LYPD6B: variants seen among roughly 807,000 people sequenced by gnomAD.
The protein encoded by LYPD6B is LY6/PLAUR domain containing 6B.
In LYPD6B, 17 loss-of-function variants were observed where a neutral mutation model predicts 22.8. That is an observed-to-expected ratio of 0.75 (90% CI 0.51 to 1.12). The LOEUF is 1.12. Ranked by LOEUF, LYPD6B falls within the 50% of genes most tolerant of loss-of-function variation. The probability of loss-of-function intolerance (pLI) is 0.00; values close to 1 mark genes in which losing one functional copy is unlikely to be tolerated. For synonymous variants in LYPD6B, 106 were observed against 91.6 expected, an observed-to-expected ratio of 1.16 and a Z score of -0.90; for missense variants, 221 against 258.3, an observed-to-expected ratio of 0.86 and a Z score of 0.99.
intron 1 of LYPD6B, among the ~76,000 whole-genome samples, chr2:149,083,534 A>G (rs1338240765): frequency 6.6e-6 from 1 of 152,152 alleles, no homozygotes. Flanking sequence ...AGTCTAGCCT[A>G]GCTGTTTTAA....
chr2:149,206,435 C>T (rs916330444), intron 4 of LYPD6B, among the ~76,000 whole-genome samples: 3 of 152,098 alleles, frequency 2.0e-5, no homozygotes, highest in African/African-American at 4.8e-5. Flanking sequence ...ACATATACTA[C>T]ACATACACAC....
rs765071285 is a variant in LYPD6B at position 149,205,311 on chromosome 2, C to G, written c.136C>G (p.Leu46Val). The change falls in exon 4 of 7, where the codon CTC (leucine) becomes GTC (valine). Residue 46 changes from leucine to valine, a missense_variant. By Grantham distance (32) the Leu-to-Val change is conservative (BLOSUM62 1). Coordinates refer to ENST00000409642, the MANE Select transcript of LYPD6B (RefSeq NM_177964.5). ...CAGCATGCTGCTCCTCTGTCACGCT[C>G]TCGCTATAGCTGTTGTCCAGATCGT... ...KVSMLLLCHA[L>V]AIAVVQIVIF... 2.5e-6 allele frequency: 4 copies of G among 1,613,988 alleles called. No individual in the cohort carries two copies. The highest frequency in any genetic ancestry group is 3.4e-6 in the Non-Finnish European group (4 of 1,179,852).
intron 1 of LYPD6B, among the ~76,000 whole-genome samples, chr2:149,067,058 G>C (rs1462614063): frequency 6.6e-6 from 1 of 152,148 alleles, no homozygotes; most frequent in Admixed American, 6.6e-5. Flanking sequence ...GAGAATATGT[G>C]GTATTTGGTT....
chr2:149,184,520 A>G (rs963154562), intron 3 of LYPD6B, among the ~76,000 whole-genome samples: 2 of 152,230 alleles, frequency 1.3e-5, no homozygotes. Context: ...AAGGGAGAGC[A>G]ATATTTTGAT....
intron 5 of LYPD6B, among the ~76,000 whole-genome samples, chr2:149,212,307 G>A (rs1433436598): frequency 1.4e-5 from 2 of 142,912 alleles, no homozygotes; most frequent in Admixed American, 1.5e-4. Context: ...GTGTGAACCC[G>A]GGAGGCAGGG....
intron 1 of LYPD6B, among the ~76,000 whole-genome samples, chr2:149,127,352 T>C (rs1464864446): frequency 1.3e-5 from 2 of 152,298 alleles, no homozygotes; most frequent in South Asian, 2.1e-4. Flanking sequence ...CCAGAGAAGA[T>C]TGAAATTTCT....
intron 1 of LYPD6B, among the ~76,000 whole-genome samples, chr2:149,105,497 T>G (rs1416427525): frequency 6.6e-6 from 1 of 152,208 alleles, no homozygotes; most frequent in Non-Finnish European, 1.5e-5. Context: ...TCAGCAATGT[T>G]GTGTAGTGAA....
chr2:149,066,829 AT>A (rs1387177573), intron 1 of LYPD6B, among the ~76,000 whole-genome samples: 3 of 150,754 alleles, frequency 2.0e-5, no homozygotes, highest in African/African-American at 7.3e-5. Context: ...TTTATTTTAG[AT>A]TTAGGGGGTA....
At chr2:149,206,393 C>T (rs145391026) in intron 4 of LYPD6B, among the ~76,000 whole-genome samples, 256 of 152,150 alleles carry the variant, frequency 1.7e-3, no homozygotes, top group African/African-American at 6.0e-3. Flanking sequence ...TGCATATATA[C>T]ACATGTATAC....
intron 1 of LYPD6B, among the ~76,000 whole-genome samples, chr2:149,078,425 A>C (rs927323551): frequency 2.0e-4 from 30 of 152,188 alleles, no homozygotes; most frequent in Non-Finnish European, 3.4e-4. Flanking sequence ...TAATGAATAC[A>C]GTCTCTGAAG....
intron 2 of LYPD6B, among the ~76,000 whole-genome samples, chr2:149,150,250 A>G (rs530514329): frequency 2.6e-5 from 4 of 152,032 alleles, no homozygotes; most frequent in African/African-American, 4.8e-5. Context: ...TTGTATTGCT[A>G]TTTCCCTTTG....
chr2:149,208,797 T>G lies in LYPD6B; in HGVS notation c.328+385T>G, dbSNP rs545602697. Among the ~76,000 whole-genome samples, 3 of 152,352 alleles carry G rather than the reference T, an allele frequency of 2.0e-5. No homozygotes were observed. The South Asian group carries it at 6.2e-4, about 32-fold the overall frequency. On this transcript the variant is annotated intron_variant, in intron 5 of 6. Transcript: ENST00000409642. Reference sequence around the variant, plus strand: ...CAAACTTCCAAGTATCTTTTTAGTTTGTTTAGTTTACAGATATATCCCAGT... The same window carrying G: ...CAAACTTCCAAGTATCTTTTTAGTTGGTTTAGTTTACAGATATATCCCAGT...
At chr2:149,114,581 G>A (rs1350526477) in intron 1 of LYPD6B, among the ~76,000 whole-genome samples, 1 of 152,270 alleles carries the variant, frequency 6.6e-6, no homozygotes, top group Non-Finnish European at 1.5e-5. Flanking sequence ...AACATGAAGG[G>A]GGTTCACACA....
At chr2:149,052,107 A>AGTACAGTGGCACAGTGTTG (rs1277038063) in intron 1 of LYPD6B, among the ~76,000 whole-genome samples, 1 of 152,032 alleles carries the variant, frequency 6.6e-6, no homozygotes, top group Non-Finnish European at 1.5e-5. Flanking sequence ...ACTAGGCTGG[A>AGTACAGTGGCACAGTGTTG]GTACAGTGGC....
At chr2:149,115,873 T>C (rs1286551228) in intron 1 of LYPD6B, among the ~76,000 whole-genome samples, 1 of 152,244 alleles carries the variant, frequency 6.6e-6, no homozygotes, top group African/African-American at 2.4e-5. Context: ...TGTTAAATTG[T>C]AGGCAGTTCT....
chr2:149,083,382 A>G (rs1685225772), intron 1 of LYPD6B, among the ~76,000 whole-genome samples: 1 of 152,136 alleles, frequency 6.6e-6, no homozygotes, highest in Non-Finnish European at 1.5e-5. Context: ...TATCTAGCAC[A>G]TTTTCGAATT....
chr2:149,070,001 G>A (rs1684524146), intron 1 of LYPD6B, among the ~76,000 whole-genome samples: 2 of 151,472 alleles, frequency 1.3e-5, no homozygotes, highest in South Asian at 4.2e-4. Context: ...TAAATTCTTA[G>A]AAAAATAATG....
chr2:149,114,308 T>A (rs1206505470), intron 1 of LYPD6B, among the ~76,000 whole-genome samples: 1 of 152,248 alleles, frequency 6.6e-6, no homozygotes, highest in African/African-American at 2.4e-5. Context: ...CATTTTGACC[T>A]AGGAATCTAG....
chr2:149,071,191 C>T (rs1014967259), intron 1 of LYPD6B, among the ~76,000 whole-genome samples: 1 of 152,208 alleles, frequency 6.6e-6, no homozygotes, highest in Non-Finnish European at 1.5e-5. Flanking sequence ...TGCAAACATT[C>T]TATTCAAGAT....
Sources: gnomAD v4.1 joint callset for allele counts (sites outside exome capture counted in the v4.1 genomes callset) on GRCh38, gnomAD v4.1.1 for gene constraint, MANE v1.5 for transcripts, NCBI Gene and HGNC (gene_info 2026-07-23, HGNC 2026-07-21) for gene names.